The following LIX1 variants were observed in gnomAD, a reference collection of about 807,000 sequenced individuals.
LIX1 encodes protein limb expression 1 homolog.
LIX1 carries 24 observed loss-of-function variants against 33.4 expected under a neutral mutation model. That is an observed-to-expected ratio of 0.72 (90% CI 0.52 to 1.01). The LOEUF (loss-of-function observed/expected upper bound fraction) is 1.01, where lower values mean the gene tolerates loss of function less well. LIX1 is among the 50% of genes least tolerant of loss of function. LIX1 has a pLI of 0.00. For synonymous variants in LIX1, 124 were observed against 124.0 expected, an observed-to-expected ratio of 1.00 and a Z score of 0.00; for missense variants, 311 against 339.2, an observed-to-expected ratio of 0.92 and a Z score of 0.65.
chr5:97,125,774 G>T (rs1353443466), intron 1 of LIX1, among the ~76,000 whole-genome samples: 1 of 152,208 alleles, frequency 6.6e-6, no homozygotes, highest in East Asian at 1.9e-4. Context: ...GAACAATCAT[G>T]TGGTCTCGAG....
intron 4 of LIX1, among the ~76,000 whole-genome samples, chr5:97,100,971 T>G (rs1746664169): frequency 1.3e-5 from 2 of 151,800 alleles, no homozygotes; most frequent in Admixed American, 1.3e-4. Context: ...TGTGAGGGTC[T>G]GTCATAGTCC....
intron 4 of LIX1, among the ~76,000 whole-genome samples, chr5:97,104,032 C>T (rs1283196939): frequency 1.3e-5 from 2 of 150,600 alleles, no homozygotes; most frequent in South Asian, 2.1e-4. Context: ...GCATTTTTGC[C>T]GCAATCATAC....
At chr5:97,117,079 T>C (rs1024738608) in intron 2 of LIX1, among the ~76,000 whole-genome samples, 1 of 152,228 alleles carries the variant, frequency 6.6e-6, no homozygotes, top group Non-Finnish European at 1.5e-5. Context: ...TAAAGCAATA[T>C]GCACTCCCAA....
chr5:97,128,770 T>G (rs1747989302), intron 1 of LIX1, among the ~76,000 whole-genome samples: 1 of 152,224 alleles, frequency 6.6e-6, no homozygotes, highest in Non-Finnish European at 1.5e-5. Flanking sequence ...GCCCAAGTTT[T>G]GTCAGTTTCA....
intron 3 of LIX1, among the ~76,000 whole-genome samples, chr5:97,106,269 G>T (rs1011768536): frequency 3.3e-5 from 5 of 152,102 alleles, no homozygotes; most frequent in Non-Finnish European, 7.4e-5. Flanking sequence ...AAATTTACAG[G>T]GCTGGAAAAT....
intron 2 of LIX1, among the ~76,000 whole-genome samples, chr5:97,118,083 T>C (rs575403438): frequency 2.3e-4 from 35 of 152,344 alleles, no homozygotes; most frequent in Admixed American, 3.9e-4. Context: ...AAAATACTTA[T>C]GTGAAAAAGA....
rs375376208 is a variant in LIX1 at position 97,138,234 on chromosome 5, T to C, written c.82+4261A>G. ...TCTTACATGTCACTTCATAAGTCAA[T>C]GCTAGAAACCAACTCATTCTCATGG... On this transcript the variant is annotated intron_variant, in intron 1 of 5. Transcript: ENST00000274382. Among the ~76,000 whole-genome samples, 5 of 152,324 alleles carry C rather than the reference T, an allele frequency of 3.3e-5. No individual in the cohort carries two copies. In the East Asian group the frequency reaches 7.7e-4, roughly 24 times the overall value.
rs908670074 is a variant in LIX1 at position 97,124,408 on chromosome 5, G to A, written c.246+58C>T. On this transcript the variant is annotated intron_variant, in intron 2 of 5. Coordinates refer to ENST00000274382, the MANE Select transcript of LIX1 (RefSeq NM_153234.5). ...TTGTAATGTTACCAGTTTACAAAAA[G>A]GTTTACTTTATTTTAGCCCAATGAA... is the stretch of plus-strand genomic sequence containing the variant. The A allele has an allele frequency of 2.8e-6, 4 of 1,448,512 alleles. No homozygotes were observed. The African/African-American group carries it at 4.2e-5, about 15-fold the overall frequency. The allele number at this position is 1,448,512 out of a possible 1,614,324, so 89.7% of individuals were successfully genotyped here. A position where few individuals can be genotyped will look rare whatever the true frequency, so the allele number is the denominator to read the frequency against.
In LIX1 at chr5:97,093,871, T is replaced by A; in HGVS notation, c.*877A>T. The A allele has an allele frequency of 6.6e-6, 1 of 152,476 alleles. No individual in the cohort carries two copies. The highest frequency in any genetic ancestry group is 1.9e-4 in the East Asian group (1 of 5,326). 9.4% of individuals were successfully genotyped at this position (152,476 alleles called of 1,614,324 possible). On this transcript the variant is annotated 3_prime_UTR_variant, in exon 6 of 6. Coordinates refer to ENST00000274382, the MANE Select transcript of LIX1 (RefSeq NM_153234.5). ...TCAAATGCAAGCATTCTTTGTTACA[T>A]GCTAATAATTTTTCAAAATGTTTTA...
chr5:97,101,806 C>T (rs1425725894), intron 4 of LIX1: 2 of 152,132 alleles, frequency 1.3e-5, no homozygotes, highest in African/African-American at 4.8e-5. Flanking sequence ...AAAACAAACA[C>T]TGTAAATGGA....
At chr5:97,116,636 A>C (rs545978118) in intron 2 of LIX1, among the ~76,000 whole-genome samples, 1 of 152,158 alleles carries the variant, frequency 6.6e-6, no homozygotes, top group East Asian at 1.9e-4. Context: ...AGCTATTACA[A>C]GCCTGTGTTG....
Position 97,094,647 on chromosome 5 carries a change from G to T in LIX1, c.*101C>A. 9.2e-7 allele frequency: 1 copy of T among 1,082,350 alleles called. No homozygotes were observed. The highest frequency in any genetic ancestry group is 1.3e-6 in the Non-Finnish European group (1 of 742,206). 67.0% of individuals were successfully genotyped at this position (1,082,350 alleles called of 1,614,324 possible). ...TGGAGAGGGTTAGGAGAGCCTTCAG[G>T]TAGTACTAGAGATGCTGGAGCCTCT... On this transcript the variant is annotated 3_prime_UTR_variant, in exon 6 of 6. Transcript: ENST00000274382.
chr5:97,135,472 A>G (rs1748151818), intron 1 of LIX1, among the ~76,000 whole-genome samples: 1 of 152,228 alleles, frequency 6.6e-6, no homozygotes, highest in Admixed American at 6.5e-5. Flanking sequence ...ATCCAATCAG[A>G]AAGTACATAT....
intron 1 of LIX1, among the ~76,000 whole-genome samples, chr5:97,138,930 T>TA (rs1337697238): frequency 6.6e-6 from 1 of 152,252 alleles, no homozygotes; most frequent in African/African-American, 2.4e-5. Flanking sequence ...AAAGTATATA[T>TA]AATGCAAATA....
At chr5:97,114,648 T>G (rs1747586414) in intron 2 of LIX1, among the ~76,000 whole-genome samples, 1 of 152,182 alleles carries the variant, frequency 6.6e-6, no homozygotes, top group Non-Finnish European at 1.5e-5. Context: ...TGGTGGGGTC[T>G]GCATATAATA....
intron 1 of LIX1, among the ~76,000 whole-genome samples, chr5:97,133,446 A>G (rs1748108515): frequency 6.6e-6 from 1 of 152,244 alleles, no homozygotes; most frequent in Non-Finnish European, 1.5e-5. Flanking sequence ...TTGTGACTGG[A>G]GGAAGTAAAG....
chr5:97,128,135 G>C (rs182847473), intron 1 of LIX1, among the ~76,000 whole-genome samples: 18 of 152,302 alleles, frequency 1.2e-4, no homozygotes, highest in Non-Finnish European at 1.6e-4. Flanking sequence ...CTGCTAGAAA[G>C]AATATTCCAC....
chr5:97,109,481 T>C (rs2014765), intron 2 of LIX1, among the ~76,000 whole-genome samples: 208 of 152,320 alleles, frequency 1.4e-3, no homozygotes, highest in Admixed American at 0.011. Context: ...CTCAAACTCC[T>C]GGGCTCAAGC....
chr5:97,117,902 C>A (rs1747676318), intron 2 of LIX1, among the ~76,000 whole-genome samples: 1 of 145,666 alleles, frequency 6.9e-6, no homozygotes. Flanking sequence ...TTTGCAACAC[C>A]AAACATTGGT....
Sources: gnomAD v4.1 joint callset for allele counts (sites outside exome capture counted in the v4.1 genomes callset) on GRCh38, gnomAD v4.1.1 for gene constraint, MANE v1.5 for transcripts, NCBI Gene and HGNC (gene_info 2026-07-23, HGNC 2026-07-21) for gene names.